Variants in CUL2 observed in about 807,000 individuals in gnomAD.
The protein encoded by CUL2 is cullin-2.
A neutral mutation model predicts 110.2 loss-of-function variants in CUL2; 22 were observed. The observed-to-expected ratio is 0.20, with a 90% CI of 0.14 to 0.28. CUL2 has a LOEUF of 0.28. CUL2 is among the 10% of genes least tolerant of loss of function. CUL2 has a pLI of 1.00. For synonymous variants in CUL2, 279 were observed against 293.2 expected (o/e 0.95, Z 0.49); for missense variants, 631 against 905.5 (o/e 0.70, Z 3.89).
At chr10:35,046,722 T>C (rs772090879) in intron 6 of CUL2, among the ~76,000 whole-genome samples, 4 of 152,030 alleles carry the variant, frequency 2.6e-5, no homozygotes, top group Non-Finnish European at 5.9e-5. Flanking sequence ...TGAAATCCAG[T>C]CTCTACTAAA....
intron 3 of CUL2, among the ~76,000 whole-genome samples, chr10:35,062,624 G>C (rs1281612106): frequency 1.3e-5 from 2 of 150,780 alleles, no homozygotes; most frequent in African/African-American, 4.9e-5. Flanking sequence ...TGGAGCCCAG[G>C]AGTTTGAGAC....
chr10:35,034,000 A>C (rs1319340442), intron 10 of CUL2, among the ~76,000 whole-genome samples: 1 of 152,194 alleles, frequency 6.6e-6, no homozygotes, highest in Admixed American at 6.5e-5. Flanking sequence ...AAAAGCCAAT[A>C]ATCCTGAGAA....
intron 1 of CUL2, among the ~76,000 whole-genome samples, chr10:35,082,984 C>T (rs1014807975): frequency 6.6e-6 from 1 of 151,806 alleles, no homozygotes; most frequent in African/African-American, 2.4e-5. Context: ...ATGGTGAAAC[C>T]CCATCTCTAC....
intron 4 of CUL2, among the ~76,000 whole-genome samples, chr10:35,057,888 G>T (rs1426041373): frequency 6.6e-6 from 1 of 151,798 alleles, no homozygotes; most frequent in Non-Finnish European, 1.5e-5. Context: ...GAGGTCAGGA[G>T]TTCGAGACCA....
intron 5 of CUL2, among the ~76,000 whole-genome samples, chr10:35,051,536 C>T (rs1253054608): frequency 1.3e-5 from 2 of 152,068 alleles, no homozygotes; most frequent in African/African-American, 2.4e-5. Context: ...TGGCGTGAAC[C>T]GGCCGGGCGG....
At chr10:35,023,839 T>C (rs1444529779) in intron 17 of CUL2, among the ~76,000 whole-genome samples, 4 of 152,186 alleles carry the variant, frequency 2.6e-5, no homozygotes, top group African/African-American at 9.6e-5. Context: ...ATAGAACATA[T>C]TGATTGACTG....
Position 35,054,557 on chromosome 10 carries a change from T to C in CUL2, c.318-18A>G, listed in dbSNP as rs1485529661. 15 of 1,330,418 alleles carry C rather than the reference T, an allele frequency of 1.1e-5. No individual in the cohort carries two copies. The highest frequency in any genetic ancestry group is 1.4e-5 in the Non-Finnish European group (13 of 944,732). The allele number at this position is 1,330,418 out of a possible 1,614,324, so 82.4% of individuals were successfully genotyped here. The stretch of plus-strand genomic sequence containing the variant: ...TGAGATACCTGGAAAATAAATGTAA[T>C]ATCAATGGATATTAAGTTAAAGTCA... On this transcript the variant is annotated intron_variant, in intron 4 of 20. Transcript: ENST00000374749.
chr10:35,109,852 T>C (rs2087505711), intron 1 of CUL2, among the ~76,000 whole-genome samples: 1 of 152,218 alleles, frequency 6.6e-6, no homozygotes, highest in Non-Finnish European at 1.5e-5. Context: ...GCATGAATAA[T>C]GATACAATCT....
intron 2 of CUL2, among the ~76,000 whole-genome samples, chr10:35,065,630 A>T (rs945632792): frequency 6.6e-6 from 1 of 151,800 alleles, no homozygotes; most frequent in South Asian, 2.1e-4. Flanking sequence ...AAAATAAATA[A>T]ATAAATAAAA....
chr10:35,031,698 AC>A lies in CUL2; in HGVS notation c.1171-80del. 6.7e-7 allele frequency: 1 copy of A among 1,489,110 alleles called. No homozygotes were observed. Among genetic ancestry groups the A allele is most frequent in the Non-Finnish European group, 9.2e-7 (1 of 1,083,122 alleles). The allele number at this position is 1,489,110 out of a possible 1,614,324, so 92.2% of individuals were successfully genotyped here. A position where few individuals can be genotyped will look rare whatever the true frequency, so the allele number is the denominator to read the frequency against. Reference sequence around the variant, plus strand: ...GCCTCAAAGGAGGCAAAGTGGTGATACAAGGTAAGATCAGCGGACAGAATTT... The same window carrying A: ...GCCTCAAAGGAGGCAAAGTGGTGATAAAGGTAAGATCAGCGGACAGAATTT... On this transcript the variant is annotated intron_variant, in intron 12 of 20. Coordinates refer to ENST00000374749, the MANE Select transcript of CUL2 (RefSeq NM_003591.4). This position sits in a 1 kb window ranked among gnomAD's most constrained non-coding sequence, Gnocchi z 4.4.
At chr10:35,027,605 T>C (rs1356328947) in intron 16 of CUL2, among the ~76,000 whole-genome samples, 1 of 152,214 alleles carries the variant, frequency 6.6e-6, no homozygotes, top group Non-Finnish European at 1.5e-5. Flanking sequence ...TAATTCTTGA[T>C]AGTTATATTT....
intron 2 of CUL2, among the ~76,000 whole-genome samples, chr10:35,070,909 G>A (rs2086660868): frequency 6.6e-6 from 1 of 151,852 alleles, no homozygotes; most frequent in Admixed American, 6.6e-5. Context: ...TACCTGTTTA[G>A]TGTCTATTTC....
At chr10:35,042,640 G>C (rs2085823243) in intron 8 of CUL2, among the ~76,000 whole-genome samples, 1 of 152,116 alleles carries the variant, frequency 6.6e-6, no homozygotes, top group Non-Finnish European at 1.5e-5. Context: ...AGAAGACTGG[G>C]TTCCACAGGG....
intron 19 of CUL2, among the ~76,000 whole-genome samples, chr10:35,013,378 C>A (rs2084952489): frequency 6.6e-6 from 1 of 151,296 alleles, no homozygotes; most frequent in Non-Finnish European, 1.5e-5. Flanking sequence ...GGAGAACTTT[C>A]CCTTATTTTA....
chr10:35,016,067 CGTA>C, intron 18 of CUL2, 122 bp downstream of exon 18: 1 of 745,704 alleles, frequency 1.3e-6, no homozygotes, highest in African/African-American at 1.8e-5. Flanking sequence ...CGTACAGTAA[CGTA>C]GTGAATACAA....
At chr10:35,091,157 T>C (rs2087197975), upstream of CUL2, among the ~76,000 whole-genome samples, 1 of 152,166 alleles carries the variant, frequency 6.6e-6, no homozygotes, top group Non-Finnish European at 1.5e-5. Context: ...AAATATAGAA[T>C]TACTCATCAC....
At chr10:35,112,526 A>G (rs2087535567) in intron 1 of CUL2, among the ~76,000 whole-genome samples, 1 of 152,186 alleles carries the variant, frequency 6.6e-6, no homozygotes, top group Non-Finnish European at 1.5e-5. Flanking sequence ...AATTTTCAGG[A>G]CAGACTGCAA....
intron 3 of CUL2, among the ~76,000 whole-genome samples, chr10:35,062,308 ACTT>A (rs1382150524): frequency 6.6e-6 from 1 of 152,198 alleles, no homozygotes; most frequent in African/African-American, 2.4e-5. Context: ...TTTTGGGAAG[ACTT>A]CATATAGCAC....
intron 1 of CUL2, among the ~76,000 whole-genome samples, chr10:35,121,646 T>C (rs534131533): frequency 3.9e-4 from 59 of 152,114 alleles, no homozygotes; most frequent in Middle Eastern, 3.2e-3. Context: ...CTTTTCCTCA[T>C]GCCTTTCTTC....
Sources: gnomAD v4.1 joint callset for allele counts (sites outside exome capture counted in the v4.1 genomes callset) on GRCh38, gnomAD v4.1.1 for gene constraint, Gnocchi (gnomAD v3.1) non-coding constraint, MANE v1.5 for transcripts, NCBI Gene and HGNC (gene_info 2026-07-23, HGNC 2026-07-21) for gene names.